The following SNX29 variants were observed in gnomAD, a reference collection of about 807,000 sequenced individuals.
The protein encoded by SNX29 is sorting nexin-29.
A neutral mutation model predicts 102.1 loss-of-function variants in SNX29; 78 were observed. The observed-to-expected ratio is 0.76, with a 90% confidence interval of 0.64 to 0.92. The LOEUF (loss-of-function observed/expected upper bound fraction) is 0.92, where lower values mean the gene tolerates loss of function less well. SNX29 is among the 40% of genes least tolerant of loss of function. The pLI is 0.00. For synonymous variants in SNX29, 580 were observed against 414.5 expected (o/e 1.40, Z -4.85); for missense variants, 1,280 against 1,061.7 (o/e 1.21, Z -2.86).
intron 5 of SNX29, among the ~76,000 whole-genome samples, chr16:12,044,958 C>T (rs1332482136): frequency 6.6e-6 from 1 of 152,180 alleles, no homozygotes; most frequent in African/African-American, 2.4e-5. Flanking sequence ...GTTACATACT[C>T]AGTCTCAAAG....
chr16:12,350,682 T>C (rs2081969068), intron 15 of SNX29, among the ~76,000 whole-genome samples: 2 of 152,168 alleles, frequency 1.3e-5, no homozygotes, highest in South Asian at 4.1e-4. Flanking sequence ...TTCCTACAAG[T>C]AGGGAATGGC....
At chr16:12,324,918 C>G (rs1380651286) in intron 15 of SNX29, among the ~76,000 whole-genome samples, 1 of 152,146 alleles carries the variant, frequency 6.6e-6, no homozygotes, top group Non-Finnish European at 1.5e-5. Flanking sequence ...ACAATAAAAA[C>G]AGCGTTTCAA....
chr16:12,050,756 G>C (rs1055209426), intron 7 of SNX29, among the ~76,000 whole-genome samples: 7 of 152,074 alleles, frequency 4.6e-5, no homozygotes, highest in African/African-American at 1.7e-4. Flanking sequence ...CTGTCACCCA[G>C]ACTGGAGTGC....
chr16:12,119,504 C>T lies in SNX29; in HGVS notation c.1403-7129C>T, dbSNP rs187556453. Among the ~76,000 whole-genome samples the T allele has an allele frequency of 2.0e-5, 3 of 152,340 alleles. No homozygotes were observed. The East Asian group carries it at 5.8e-4, about 29-fold the overall frequency. ...TTTTCCATCCCATTCCCATGAGTGC[C>T]TCACATTTGTGTTTTCTGTTTTGAG... On this transcript the variant is annotated intron_variant, in intron 11 of 20. Coordinates refer to ENST00000566228, the MANE Select transcript of SNX29 (RefSeq NM_032167.5).
intron 13 of SNX29, among the ~76,000 whole-genome samples, chr16:12,153,466 A>AAAAAAC (rs2055388187): frequency 1.3e-5 from 2 of 150,480 alleles, no homozygotes; most frequent in African/African-American, 4.9e-5. Flanking sequence ...TGTCTCAAAA[A>AAAAAAC]AAAAAACAAA....
At position 12,159,945 on chromosome 16, in the gene SNX29, GT is replaced by G. The variant is rs1305400875; in HGVS notation, c.1595+30188del. Reference sequence around the variant, plus strand: ...CAGTGCATCTAGGCAGCCACTTCCAGTCATAGGCACCAATTTTCTTTACTGA... The same window carrying G: ...CAGTGCATCTAGGCAGCCACTTCCAGCATAGGCACCAATTTTCTTTACTGA... On this transcript the variant is annotated intron_variant, in intron 13 of 20. Coordinates refer to ENST00000566228, the MANE Select transcript of SNX29 (RefSeq NM_032167.5). Among the ~76,000 whole-genome samples the G allele has an allele frequency of 3.9e-5, 6 of 152,332 alleles. No homozygotes were observed. In the South Asian group the frequency reaches 8.3e-4, roughly 21 times the overall value.
At chr16:12,148,629 A>C (rs928941550) in intron 13 of SNX29, among the ~76,000 whole-genome samples, 1 of 152,040 alleles carries the variant, frequency 6.6e-6, no homozygotes, top group Non-Finnish European at 1.5e-5. Context: ...TCTTAGATTC[A>C]TGATTTATCA....
chr16:12,571,151 A>G lies in SNX29; in HGVS notation c.*2522A>G, dbSNP rs2079179279. The G allele has an allele frequency of 4.3e-6, 1 of 230,704 alleles. No homozygotes were observed. Among genetic ancestry groups the G allele is most frequent in the Non-Finnish European group, 8.5e-6 (1 of 117,708 alleles). 14.3% of individuals were successfully genotyped at this position (230,704 alleles called of 1,614,324 possible). ...AATGATTGGGTCCATCTTGCTGCTC[A>G]GAAGAATCCCGTCCTGCTCTCTAGT... On this transcript the variant is annotated 3_prime_UTR_variant, in exon 21 of 21. Transcript: ENST00000566228.
rs144378107 is a variant in SNX29, at chr16:12,571,019, G to T, written c.*2390G>T. The T allele has an allele frequency of 1.7e-5, 4 of 232,622 alleles. No homozygotes were observed. Among genetic ancestry groups the T allele is most frequent in the African/African-American group, 6.6e-5 (3 of 45,422 alleles). 14.4% of individuals were successfully genotyped at this position (232,622 alleles called of 1,614,324 possible). On this transcript the variant is annotated 3_prime_UTR_variant, in exon 21 of 21. Coordinates refer to ENST00000566228, the MANE Select transcript of SNX29 (RefSeq NM_032167.5). ...ACAGACCGTAGAGTCGAGTCATCTC[G>T]CAGATCCAGACCATCTCCTCTCATT...
chr16:12,368,757 G>A lies in SNX29; in HGVS notation c.1899+12478G>A, dbSNP rs376681777. ...TCTTCTCCAGCATATGTTTGTGAAT[G>A]CATGGTTTGAGTTTGCCGCTCACAA... is the stretch of plus-strand genomic sequence containing the variant. On this transcript the variant is annotated intron_variant, in intron 16 of 20. Coordinates refer to ENST00000566228, the MANE Select transcript of SNX29 (RefSeq NM_032167.5). Among the ~76,000 whole-genome samples, 12 of 152,320 alleles carry A rather than the reference G, an allele frequency of 7.9e-5. 1 individual carries two copies. In the South Asian group the frequency reaches 2.3e-3, roughly 29 times the overall value.
At chr16:12,306,914 G>A (rs889561278) in intron 15 of SNX29, among the ~76,000 whole-genome samples, 3 of 152,154 alleles carry the variant, frequency 2.0e-5, no homozygotes, top group Non-Finnish European at 4.4e-5. Flanking sequence ...AGAGGGCTTC[G>A]GTGATCGCAG....
chr16:12,305,504 G>A (rs1439902804), intron 15 of SNX29, among the ~76,000 whole-genome samples: 1 of 152,164 alleles, frequency 6.6e-6, no homozygotes, highest in East Asian at 1.9e-4. Context: ...AGGAGCAGGA[G>A]TGTGGAGCCA....
At chr16:12,026,666 A>G (rs1038951123) in intron 3 of SNX29, among the ~76,000 whole-genome samples, 1 of 152,228 alleles carries the variant, frequency 6.6e-6, no homozygotes, top group African/African-American at 2.4e-5. Flanking sequence ...CCATCAACTC[A>G]CAATCTGAGT....
intron 14 of SNX29, among the ~76,000 whole-genome samples, chr16:12,265,762 C>T (rs935144158): frequency 8.0e-5 from 12 of 149,254 alleles, no homozygotes; most frequent in African/African-American, 2.7e-4. Flanking sequence ...TGATGGCACA[C>T]GCCTGTAGTC....
At chr16:12,010,745 T>C (rs2056621249) in intron 3 of SNX29, among the ~76,000 whole-genome samples, 1 of 133,270 alleles carries the variant, frequency 7.5e-6, no homozygotes, top group Non-Finnish European at 1.7e-5. Flanking sequence ...ATGATTTGTT[T>C]TGGTGATTTT....
intron 13 of SNX29, among the ~76,000 whole-genome samples, chr16:12,148,790 C>T (rs756343457): frequency 2.6e-5 from 4 of 152,084 alleles, no homozygotes; most frequent in Admixed American, 1.3e-4. Flanking sequence ...CTCCACCTCC[C>T]GGGTTCAAGT....
chr16:12,192,048 C>A (rs1201485086), intron 13 of SNX29, among the ~76,000 whole-genome samples: 1 of 152,210 alleles, frequency 6.6e-6, no homozygotes, highest in Non-Finnish European at 1.5e-5. Context: ...ACCAAATGTA[C>A]TTACCAGGTT....
At chr16:12,132,972 G>C (rs544710626) in intron 13 of SNX29, among the ~76,000 whole-genome samples, 1 of 152,350 alleles carries the variant, frequency 6.6e-6, no homozygotes, top group African/African-American at 2.4e-5. Context: ...GCAACTGTCA[G>C]TGTTGGCTGA....
Position 12,572,837 on chromosome 16 carries a change from C to T in SNX29, c.*4208C>T, listed in dbSNP as rs1001377583. 1.4e-5 allele frequency: 15 copies of T among 1,063,848 alleles called. No individual in the cohort carries two copies. Among genetic ancestry groups the T allele is most frequent in the Non-Finnish European group, 1.7e-5 (15 of 878,388 alleles). 65.9% of individuals were successfully genotyped at this position (1,063,848 alleles called of 1,614,324 possible). A position where few individuals can be genotyped will look rare whatever the true frequency, so the allele number is the denominator to read the frequency against. On this transcript the variant is annotated 3_prime_UTR_variant, in exon 21 of 21. Transcript: ENST00000566228. ...TAGGAGGCATCCCAGAAGGGGCAGCCTCATGCCCAGGTTTCAGCCCTAAAG... is the reference window on the plus strand; with the variant it reads ...TAGGAGGCATCCCAGAAGGGGCAGCTTCATGCCCAGGTTTCAGCCCTAAAG...
Sources: gnomAD v4.1 joint callset for allele counts (sites outside exome capture counted in the v4.1 genomes callset) on GRCh38, gnomAD v4.1.1 for gene constraint, MANE v1.5 for transcripts, NCBI Gene and HGNC (gene_info 2026-07-23, HGNC 2026-07-21) for gene names.